The following LYST variants were observed in gnomAD, a reference collection of about 807,000 sequenced individuals.
The protein encoded by LYST is lysosomal-trafficking regulator.
LYST carries 192 observed loss-of-function variants against 413.6 expected under a neutral mutation model. That is an observed-to-expected ratio of 0.46 (90% CI 0.41 to 0.52). LYST has a LOEUF of 0.52. LYST is among the 20% of genes least tolerant of loss of function. The pLI is 0.00. For synonymous variants in LYST, 1,525 were observed against 1,567.3 expected (o/e 0.97, Z 0.64); for missense variants, 3,815 against 4,499.9 (o/e 0.85, Z 4.35).
chr1:235,779,518 T>C (rs1669643458), intron 16 of LYST, among the ~76,000 whole-genome samples: 1 of 152,192 alleles, frequency 6.6e-6, no homozygotes, highest in Non-Finnish European at 1.5e-5. Flanking sequence ...TTCTTAAAAA[T>C]GTAAATTCCA....
At chr1:235,692,534 C>T (rs570644277) in intron 47 of LYST, among the ~76,000 whole-genome samples, 6 of 151,984 alleles carry the variant, frequency 3.9e-5, no homozygotes, top group Admixed American at 3.9e-4. Flanking sequence ...GAATGTGCCA[C>T]CATGCCTGGC....
At chr1:235,857,633 C>T (rs780146607) in intron 1 of LYST, among the ~76,000 whole-genome samples, 3 of 150,932 alleles carry the variant, frequency 2.0e-5, no homozygotes, top group East Asian at 3.9e-4. Context: ...TAGAGGGGTA[C>T]GAGGAAAACC....
chr1:235,813,455 A>G (rs1283961619), intron 3 of LYST, among the ~76,000 whole-genome samples: 1 of 152,226 alleles, frequency 6.6e-6, no homozygotes. Flanking sequence ...GCCTTCATGC[A>G]GTTAAATGAA....
At chr1:235,705,333 A>C (rs1661891653) in intron 44 of LYST, among the ~76,000 whole-genome samples, 1 of 152,196 alleles carries the variant, frequency 6.6e-6, no homozygotes, top group Admixed American at 6.5e-5. Context: ...ATTAGTGAAA[A>C]AAAATTCCAG....
At chr1:235,816,461 A>T (rs1269577812) in intron 3 of LYST, among the ~76,000 whole-genome samples, 33 of 112,258 alleles carry the variant, frequency 2.9e-4, no homozygotes, top group African/African-American at 1.5e-3. Context: ...AATAAATAAA[A>T]AATAAAAATA....
At chr1:235,806,819 C>A in intron 5 of LYST, 47 bp from the exon 6 acceptor site, 1 of 1,238,088 alleles carries the variant, frequency 8.1e-7, no homozygotes, top group Non-Finnish European at 1.2e-6. Flanking sequence ...AAAGAAACAT[C>A]ATTTATAAAT....
At chr1:235,788,140 T>G (rs1387571731) in intron 13 of LYST, among the ~76,000 whole-genome samples, 2 of 152,008 alleles carry the variant, frequency 1.3e-5, no homozygotes, top group Non-Finnish European at 2.9e-5. Context: ...TTTTATTTAC[T>G]CATTTATTTT....
In LYST at chr1:235,709,320, G is replaced by A. The variant is rs762744969; in HGVS notation, c.9926-12C>T. The A allele has an allele frequency of 4.4e-6, 7 of 1,590,714 alleles. No homozygotes were observed. Among genetic ancestry groups the A allele is most frequent in the Middle Eastern group, 1.7e-4 (1 of 5,890 alleles). On this transcript the variant is annotated splice_polypyrimidine_tract_variant and intron_variant, in intron 43 of 52. Transcript: ENST00000389793. ...ACCAAAATCAAAACCTAAAAGAGAAGATTAATATTAATATTTAACTCCCCC... is the reference window on the plus strand; with the variant it reads ...ACCAAAATCAAAACCTAAAAGAGAAAATTAATATTAATATTTAACTCCCCC...
intron 25 of LYST, among the ~76,000 whole-genome samples, chr1:235,754,229 C>CTTTT (rs71576486): frequency 3.5e-4 from 30 of 86,562 alleles, no homozygotes; most frequent in Non-Finnish European, 5.5e-4. Flanking sequence ...CTTTTCTTTT[C>CTTTT]TTTTTTTTTT....
chr1:235,687,632 G>C (rs1456723088), intron 47 of LYST, among the ~76,000 whole-genome samples: 1 of 152,102 alleles, frequency 6.6e-6, no homozygotes, highest in East Asian at 1.9e-4. Flanking sequence ...TATGTGGCCT[G>C]ACAGGTCCTC....
rs749709074 is a variant in LYST, at chr1:235,709,262, G to A, written c.9972C>T (p.Val3324=). 6.2e-7 allele frequency: 1 copy of A among 1,614,086 alleles called. No homozygotes were observed. The highest frequency in any genetic ancestry group is 1.1e-5 in the South Asian group (1 of 91,078). Reference sequence around the variant, plus strand: ...CATTACGCGCCCAAGGGGGAAGGTTGACGTGATTAACCCGTTCACCATTCT... The same window carrying A: ...CATTACGCGCCCAAGGGGGAAGGTTAACGTGATTAACCCGTTCACCATTCT... ...VRQNGERVNH[V]NLPPWARNDP... The change falls in exon 44 of 53, where the codon GTC becomes GTT. Residue 3324 remains valine, a synonymous_variant. Transcript: ENST00000389793.
intron 1 of LYST, among the ~76,000 whole-genome samples, chr1:235,882,662 A>C (rs1466606691): frequency 6.6e-6 from 1 of 152,156 alleles, no homozygotes; most frequent in African/African-American, 2.4e-5. Flanking sequence ...GAAGCTAACG[A>C]TGTGAGATAG....
chr1:235,857,454 T>G (rs1305335080), intron 1 of LYST, among the ~76,000 whole-genome samples: 1 of 152,080 alleles, frequency 6.6e-6, no homozygotes, highest in Non-Finnish European at 1.5e-5. Flanking sequence ...TAGATGAACA[T>G]TCAGAAGTCA....
chr1:235,691,648 C>T (rs1572006456), intron 47 of LYST, among the ~76,000 whole-genome samples: 1 of 148,570 alleles, frequency 6.7e-6, no homozygotes, highest in African/African-American at 2.5e-5. Context: ...TTGGGGGACA[C>T]AAATAGTGGT....
Position 235,810,239 on chromosome 1 carries a change from T to C in LYST, c.579A>G (p.Thr193=). 3 of 1,614,122 alleles carry C rather than the reference T, an allele frequency of 1.9e-6. No homozygotes were observed. The highest frequency in any genetic ancestry group is 1.7e-5 in the Admixed American group (1 of 60,008). ...RRPHLLHHFL[T]SFPKQDHPKA... ...TGGGGTGGTCTTGTTTAGGAAACGA[T>C]GTTAAAAAATGATGCAGCAGATGGG... Residue 193 remains threonine, a synonymous_variant, in exon 5 of 53, where the codon ACA becomes ACG. Transcript: ENST00000389793.
intron 28 of LYST, among the ~76,000 whole-genome samples, chr1:235,749,013 C>A (rs962188450): frequency 2.7e-5 from 4 of 150,826 alleles, no homozygotes; most frequent in Non-Finnish European, 5.9e-5. Flanking sequence ...GGAATCCCCC[C>A]TACCACACCT....
intron 40 of LYST, among the ~76,000 whole-genome samples, chr1:235,717,892 A>ATT (rs1008942971): frequency 6.9e-6 from 1 of 144,576 alleles, no homozygotes; most frequent in African/African-American, 2.5e-5. Context: ...GGCTGCCTAC[A>ATT]TTTTTTTTTT....
intron 15 of LYST, 42 bp downstream of exon 15, chr1:235,781,885 C>T (rs763992765): frequency 4.2e-5 from 56 of 1,343,690 alleles, no homozygotes; most frequent in Non-Finnish European, 5.5e-5. Flanking sequence ...CTCACTCTGT[C>T]GCCCAGGCTG....
chr1:235,732,387 T>C (rs1664460188), intron 34 of LYST, among the ~76,000 whole-genome samples: 3 of 151,972 alleles, frequency 2.0e-5, no homozygotes, highest in Admixed American at 6.6e-5. Flanking sequence ...ACTGTAGCCT[T>C]GAACTCCTGG....
Sources: gnomAD v4.1 joint callset for allele counts (sites outside exome capture counted in the v4.1 genomes callset) on GRCh38, gnomAD v4.1.1 for gene constraint, MANE v1.5 for transcripts, NCBI Gene and HGNC (gene_info 2026-07-23, HGNC 2026-07-21) for gene names.